The following METTL24 variants were observed in gnomAD, a reference collection of about 807,000 sequenced individuals.
METTL24 encodes the protein probable methyltransferase-like protein 24.
METTL24 carries 29 observed loss-of-function variants against 32.7 expected under a neutral mutation model. The observed-to-expected ratio is 0.89, with a 90% CI of 0.66 to 1.21. METTL24 has a LOEUF of 1.21. Among genes scored for constraint, METTL24 ranks in the 50% most tolerant of loss-of-function variants. METTL24 has a pLI of 0.00. For synonymous variants in METTL24, 163 were observed against 179.5 expected, an observed-to-expected ratio of 0.91 and a Z score of 0.73; for missense variants, 439 against 468.1, an observed-to-expected ratio of 0.94 and a Z score of 0.57.
chr6:110,300,848 T>TA (rs1771505806), intron 3 of METTL24, among the ~76,000 whole-genome samples: 1 of 152,136 alleles, frequency 6.6e-6, no homozygotes, highest in South Asian at 2.1e-4. Flanking sequence ...ATAGTAAAAA[T>TA]AAAAATCAAT....
chr6:110,264,067 A>G (rs1212034202), intron 4 of METTL24, among the ~76,000 whole-genome samples: 6 of 152,048 alleles, frequency 3.9e-5, no homozygotes, highest in African/African-American at 1.4e-4. Context: ...ATGGGCAAGG[A>G]CTTCATGTCT....
chr6:110,336,042 G>A (rs555839279), intron 1 of METTL24, among the ~76,000 whole-genome samples: 4 of 152,316 alleles, frequency 2.6e-5, no homozygotes, highest in African/African-American at 9.6e-5. Flanking sequence ...GATAAACTCA[G>A]TGCAACAGGT....
At chr6:110,298,833 T>A (rs1771467585) in intron 4 of METTL24, 89 bp downstream of exon 4, 6 of 1,107,828 alleles carry the variant, frequency 5.4e-6, no homozygotes, top group Non-Finnish European at 7.9e-6. Context: ...AGCTATCCAA[T>A]GTCAATGTTG....
intron 4 of METTL24, among the ~76,000 whole-genome samples, chr6:110,272,939 C>A (rs920167703): frequency 2.0e-5 from 3 of 152,026 alleles, no homozygotes; most frequent in African/African-American, 4.8e-5. Flanking sequence ...CTGATTATTT[C>A]TTTTGCTGTG....
At chr6:110,315,537 G>A in intron 2 of METTL24, 56 bp from the exon 3 acceptor site, 1 of 1,579,372 alleles carries the variant, frequency 6.3e-7, no homozygotes. Context: ...ATAAATAGCA[G>A]GTAGGGACTT....
chr6:110,305,593 C>A (rs1771612970), intron 3 of METTL24, among the ~76,000 whole-genome samples: 1 of 146,764 alleles, frequency 6.8e-6, no homozygotes, highest in African/African-American at 2.6e-5. Flanking sequence ...CATCACTGGT[C>A]ATCAGAGAAA....
intron 1 of METTL24, among the ~76,000 whole-genome samples, chr6:110,356,195 G>T (rs1772693466): frequency 6.6e-6 from 1 of 152,156 alleles, no homozygotes. Flanking sequence ...TGTAATTCCA[G>T]CACTTTGGGG....
intron 4 of METTL24, among the ~76,000 whole-genome samples, chr6:110,265,945 G>T (rs539369450): frequency 6.6e-6 from 1 of 150,614 alleles, no homozygotes; most frequent in African/African-American, 2.4e-5. Flanking sequence ...CTGCCAACCA[G>T]GCTGGAGTGT....
intron 4 of METTL24, chr6:110,254,109 G>A (rs4945852): frequency 0.066 from 33,497 of 510,892 alleles, 1,302 homozygotes; most frequent in South Asian, 0.16. Context: ...AACAGCTTTT[G>A]TAATGATTTA....
rs142881636 is a variant in METTL24, at chr6:110,258,577, G to A, written c.787-12317C>T. On this transcript the variant is annotated intron_variant, in intron 4 of 4. Transcript: ENST00000338882. Reference sequence around the variant, plus strand: ...AACAGACCAGATGGAGAGGTAGATAGGTGGATGGGTGGATAGGTGGATGGT... The same window carrying A: ...AACAGACCAGATGGAGAGGTAGATAAGTGGATGGGTGGATAGGTGGATGGT... Among the ~76,000 whole-genome samples, 273 of 152,206 alleles carry A rather than the reference G, an allele frequency of 1.8e-3. 1 individual carries two copies. The highest frequency in any genetic ancestry group is 5.5e-3 in the African/African-American group (227 of 41,522).
At chr6:110,291,019 C>T (rs1288157905) in intron 4 of METTL24, among the ~76,000 whole-genome samples, 1 of 151,984 alleles carries the variant, frequency 6.6e-6, no homozygotes, top group Non-Finnish European at 1.5e-5. Flanking sequence ...TGGTGGGGTG[C>T]CAGTTTAACT....
chr6:110,309,072 C>G (rs1771672906), intron 3 of METTL24, among the ~76,000 whole-genome samples: 1 of 152,120 alleles, frequency 6.6e-6, no homozygotes, highest in Non-Finnish European at 1.5e-5. Flanking sequence ...AGCCATAGAA[C>G]TGTATATTTT....
At chr6:110,303,195 C>T (rs1771568624) in intron 3 of METTL24, among the ~76,000 whole-genome samples, 1 of 152,176 alleles carries the variant, frequency 6.6e-6, no homozygotes, top group Admixed American at 6.5e-5. Context: ...CGGGTGCCTA[C>T]ACCACCAGAG....
chr6:110,315,908 A>G (rs902850541), intron 2 of METTL24, among the ~76,000 whole-genome samples: 11 of 152,134 alleles, frequency 7.2e-5, no homozygotes, highest in Non-Finnish European at 1.6e-4. Flanking sequence ...TGTCTTCGTT[A>G]CTCACAGAGT....
chr6:110,295,013 CTTTTTTTT>C (rs1195740747), intron 4 of METTL24, among the ~76,000 whole-genome samples: 20 of 78,128 alleles, frequency 2.6e-4, no homozygotes, highest in African/African-American at 9.3e-4. Flanking sequence ...TTCTTTCTTT[CTTTTTTTT>C]TTTTTTTTTT....
At chr6:110,341,277 C>T (rs1772351778) in intron 1 of METTL24, among the ~76,000 whole-genome samples, 1 of 152,190 alleles carries the variant, frequency 6.6e-6, no homozygotes, top group African/African-American at 2.4e-5. Flanking sequence ...CAAATAAGAA[C>T]ATTCCCTGTC....
At chr6:110,297,495 G>A (rs1231593104) in intron 4 of METTL24, among the ~76,000 whole-genome samples, 6 of 152,146 alleles carry the variant, frequency 3.9e-5, no homozygotes, top group Non-Finnish European at 8.8e-5. Context: ...GGGCTAGGAT[G>A]TAAAGAGCAT....
At chr6:110,265,199 A>T (rs958717727) in intron 4 of METTL24, among the ~76,000 whole-genome samples, 6 of 140,820 alleles carry the variant, frequency 4.3e-5, no homozygotes, top group African/African-American at 1.0e-4. Flanking sequence ...GAAAGAAAGA[A>T]AGTTAATATC....
intron 4 of METTL24, among the ~76,000 whole-genome samples, chr6:110,296,759 G>A (rs997318089): frequency 3.9e-5 from 6 of 152,182 alleles, no homozygotes; most frequent in Admixed American, 6.5e-5. Context: ...GAATAAATGA[G>A]TGAAGGTGTG....
Sources: allele counts gnomAD v4.1 joint callset (sites outside exome capture counted in the v4.1 genomes callset), GRCh38; gene constraint gnomAD v4.1.1; transcripts MANE v1.5; gene names NCBI Gene and HGNC (gene_info 2026-07-23, HGNC 2026-07-21).